The following PLEKHA5 variants were observed in gnomAD, a reference collection of about 807,000 sequenced individuals.
The protein encoded by PLEKHA5 is pleckstrin homology domain-containing family A member 5.
In PLEKHA5, 55 loss-of-function variants were observed where a neutral mutation model predicts 181.9. The observed-to-expected ratio is 0.30, with a 90% CI of 0.24 to 0.38. PLEKHA5 has a LOEUF of 0.38. Ranked by LOEUF, PLEKHA5 falls within the 10% of genes least tolerant of loss-of-function variation. The pLI is 1.00. For synonymous variants in PLEKHA5, 535 were observed against 529.4 expected (o/e 1.01, Z -0.15); for missense variants, 1,432 against 1,549.5 (o/e 0.92, Z 1.27).
intron 8 of PLEKHA5, among the ~76,000 whole-genome samples, chr12:19,268,434 T>C (rs932438219): frequency 3.3e-5 from 5 of 152,238 alleles, no homozygotes; most frequent in Non-Finnish European, 5.9e-5. Context: ...TTCTCTGCAA[T>C]TATTTGGTTC....
chr12:19,277,329 G>A (rs1052630926), intron 11 of PLEKHA5, among the ~76,000 whole-genome samples: 3 of 152,152 alleles, frequency 2.0e-5, no homozygotes, highest in Non-Finnish European at 4.4e-5. Flanking sequence ...AAAGTGTATA[G>A]AGAGAGTCAA....
chr12:19,281,281 C>A (rs535198361), intron 11 of PLEKHA5, among the ~76,000 whole-genome samples: 2 of 151,586 alleles, frequency 1.3e-5, no homozygotes, highest in Non-Finnish European at 2.9e-5. Flanking sequence ...ACCTACACCT[C>A]TGTATCTAAA....
chr12:19,270,336 T>A (rs2072251558), intron 10 of PLEKHA5, 131 bp downstream of exon 10: 1 of 451,286 alleles, frequency 2.2e-6, no homozygotes, highest in Non-Finnish European at 3.8e-6. Flanking sequence ...TGTAATAGTG[T>A]GTTGATGTTT....
intron 3 of PLEKHA5, among the ~76,000 whole-genome samples, chr12:19,239,405 G>A (rs1250188692): frequency 1.3e-5 from 2 of 152,072 alleles, no homozygotes; most frequent in African/African-American, 4.8e-5. Context: ...ATTGGAAACT[G>A]GGTTACTTAC....
chr12:19,284,770 T>A (rs190090448), intron 12 of PLEKHA5, among the ~76,000 whole-genome samples: 11 of 152,168 alleles, frequency 7.2e-5, no homozygotes, highest in Admixed American at 7.2e-4. Flanking sequence ...TTTTTTTTCA[T>A]ACTGAAGAGT....
intron 3 of PLEKHA5, among the ~76,000 whole-genome samples, chr12:19,233,449 A>T (rs1462791849): frequency 3.3e-5 from 5 of 152,124 alleles, no homozygotes; most frequent in African/African-American, 1.2e-4. Context: ...TTGGTAGGAG[A>T]TCTGTTTCTT....
At chr12:19,278,118 G>T (rs1182729294) in intron 11 of PLEKHA5, among the ~76,000 whole-genome samples, 1 of 151,942 alleles carries the variant, frequency 6.6e-6, no homozygotes, top group African/African-American at 2.4e-5. Flanking sequence ...GAAATATATG[G>T]GATAAAAATA....
intron 30 of PLEKHA5, 143 bp from the exon 31 acceptor site, chr12:19,369,550 A>AAAG (rs112357577): frequency 9.3e-5 from 47 of 507,712 alleles, no homozygotes; most frequent in South Asian, 8.0e-4. Context: ...TTTAAAAAGA[A>AAAG]AAAATCACAA....
intron 3 of PLEKHA5, among the ~76,000 whole-genome samples, chr12:19,184,037 G>A (rs1221073363): frequency 2.0e-5 from 3 of 152,008 alleles, no homozygotes; most frequent in Non-Finnish European, 4.4e-5. Context: ...ATTTGTTAAG[G>A]CCTCTACAGA....
chr12:19,281,101 T>A (rs2076024973), intron 11 of PLEKHA5, among the ~76,000 whole-genome samples: 1 of 151,926 alleles, frequency 6.6e-6, no homozygotes, highest in South Asian at 2.1e-4. Context: ...CCACACATGG[T>A]GGCATATATC....
intron 15 of PLEKHA5, among the ~76,000 whole-genome samples, chr12:19,309,755 AT>A (rs1004634906): frequency 2.7e-5 from 4 of 149,020 alleles, no homozygotes; most frequent in Non-Finnish European, 4.5e-5. Context: ...AAAAAAAAAA[AT>A]AATAAAATCT....
chr12:19,132,039 C>T (rs1304643973), intron 2 of PLEKHA5, among the ~76,000 whole-genome samples: 1 of 152,102 alleles, frequency 6.6e-6, no homozygotes, highest in Non-Finnish European at 1.5e-5. Flanking sequence ...CAGGCGTTGC[C>T]TGTTATACCC....
chr12:19,301,797 TAA>T (rs1355710173), intron 15 of PLEKHA5, among the ~76,000 whole-genome samples: 1 of 152,208 alleles, frequency 6.6e-6, no homozygotes, highest in Non-Finnish European at 1.5e-5. Context: ...CCTTCAGTTA[TAA>T]AGAGACTTAT....
chr12:19,213,120 A>C (rs562045359), intron 3 of PLEKHA5, among the ~76,000 whole-genome samples: 1 of 152,166 alleles, frequency 6.6e-6, no homozygotes, highest in African/African-American at 2.4e-5. Context: ...AAAGAAGGTG[A>C]CTGATCCCTT....
chr12:19,191,704 G>C (rs1400464349), intron 3 of PLEKHA5, among the ~76,000 whole-genome samples: 2 of 152,114 alleles, frequency 1.3e-5, no homozygotes, highest in African/African-American at 4.8e-5. Context: ...GGGTAGTTCT[G>C]GCTCAGGTTC....
intron 6 of PLEKHA5, 89 bp from the exon 7 acceptor site, chr12:19,260,860 C>CA (rs1180606627): frequency 1.6e-5 from 13 of 821,680 alleles, no homozygotes; most frequent in African/African-American, 5.2e-5. Context: ...AACTCCATCT[C>CA]AAAAAAATAA....
At chr12:19,244,430 T>G (rs1270036596) in intron 3 of PLEKHA5, among the ~76,000 whole-genome samples, 2 of 152,244 alleles carry the variant, frequency 1.3e-5, no homozygotes, top group African/African-American at 4.8e-5. Flanking sequence ...TTCCATAGTT[T>G]CCACACCTCT....
At chr12:19,180,883 C>T (rs1373365942) in intron 3 of PLEKHA5, among the ~76,000 whole-genome samples, 2 of 150,974 alleles carry the variant, frequency 1.3e-5, no homozygotes, top group East Asian at 1.9e-4. Context: ...TCAGCCACAG[C>T]TTCAAGCCTA....
chr12:19,274,545 C>G lies in PLEKHA5; in HGVS notation c.875C>G (p.Pro292Arg), dbSNP rs1445394389. The G allele has an allele frequency of 1.2e-6, 2 of 1,607,350 alleles. No individual in the cohort carries two copies. The highest frequency in any genetic ancestry group is 1.7e-6 in the Non-Finnish European group (2 of 1,176,726). ...GACAAGATTACATCTGAAAATGCAC[C>G]AACTAAAGAAACCAATAACATTCCC... Reference protein sequence around the residue: ...RVDKITSENAPTKETNNIPNH... With the variant: ...RVDKITSENARTKETNNIPNH... The change falls in exon 11 of 32, where the codon CCA becomes CGA. Residue 292 changes from proline (P) to arginine (R), a missense_variant. Transcript: ENST00000429027.
Sources: gnomAD v4.1 joint callset for allele counts (sites outside exome capture counted in the v4.1 genomes callset) on GRCh38, gnomAD v4.1.1 for gene constraint, MANE v1.5 for transcripts, NCBI Gene and HGNC (gene_info 2026-07-23, HGNC 2026-07-21) for gene names.